Variants in PTPRT observed in about 807,000 individuals in gnomAD.
PTPRT encodes the protein protein tyrosine phosphatase receptor type T.
Under a neutral mutation model 176.8 loss-of-function variants are expected in PTPRT, and 56 were observed. The observed-to-expected ratio is 0.32, with a 90% CI of 0.26 to 0.40. The LOEUF is 0.40. Ranked by LOEUF, PTPRT falls within the 10% of genes least tolerant of loss-of-function variation. The probability of loss-of-function intolerance (pLI) is 1.00; values close to 1 mark genes in which losing one functional copy is unlikely to be tolerated. For synonymous variants in PTPRT, 783 were observed against 739.0 expected (o/e 1.06, Z -0.96); for missense variants, 1,540 against 1,908.2 (o/e 0.81, Z 3.60).
intron 11 of PTPRT, among the ~76,000 whole-genome samples, chr20:42,344,983 C>T (rs1322148882): frequency 6.6e-6 from 1 of 152,062 alleles, no homozygotes; most frequent in Non-Finnish European, 1.5e-5. Flanking sequence ...AGCAACACTG[C>T]CTCCAGGAAG....
At chr20:42,175,279 A>C (rs1313839856) in intron 16 of PTPRT, among the ~76,000 whole-genome samples, 1 of 152,122 alleles carries the variant, frequency 6.6e-6, no homozygotes, top group Non-Finnish European at 1.5e-5. Context: ...CATTTGCCTC[A>C]TCTTGTGTCT....
At chr20:42,411,543 A>T (rs536291754) in intron 9 of PTPRT, among the ~76,000 whole-genome samples, 186 of 151,466 alleles carry the variant, frequency 1.2e-3, no homozygotes, top group African/African-American at 4.3e-3. Context: ...AAAAAAAAGA[A>T]AAAAGAAAAG....
At chr20:42,056,587 T>C in the PTPRT span, among the ~76,000 whole-genome samples, 1 of 152,238 alleles carries the variant, frequency 6.6e-6, no homozygotes, top group South Asian at 2.1e-4. Context: ...GCTGCAAGAA[T>C]GCTGTGCATC....
chr20:42,226,629 G>A (rs1173466285), intron 15 of PTPRT, among the ~76,000 whole-genome samples: 2 of 152,178 alleles, frequency 1.3e-5, no homozygotes, highest in Non-Finnish European at 2.9e-5. Context: ...TCCCATCTTT[G>A]CTACAGCTCT....
At chr20:42,452,671 A>G (rs1389460252) in intron 8 of PTPRT, among the ~76,000 whole-genome samples, 4 of 152,204 alleles carry the variant, frequency 2.6e-5, no homozygotes, top group Non-Finnish European at 5.9e-5. Context: ...TGTCTGTCTG[A>G]TGAAGACTGT....
chr20:43,111,544 A>AG (rs1486187122), intron 1 of PTPRT, among the ~76,000 whole-genome samples: 1 of 98,496 alleles, frequency 1.0e-5, no homozygotes, highest in Non-Finnish European at 2.0e-5. Context: ...ACTCCGTCTC[A>AG]GGAAAAAAAA....
At chr20:42,061,630 G>A in the PTPRT span, among the ~76,000 whole-genome samples, 8 of 152,168 alleles carry the variant, frequency 5.3e-5, no homozygotes, top group Non-Finnish European at 7.4e-5. Flanking sequence ...ATAAAAAGTC[G>A]TTTGACTGGG....
chr20:42,707,909 T>C (rs1013525068), intron 6 of PTPRT, among the ~76,000 whole-genome samples: 2 of 152,228 alleles, frequency 1.3e-5, no homozygotes, highest in African/African-American at 2.4e-5. Flanking sequence ...AACCATGCTA[T>C]GCCCAGGTTT....
intron 7 of PTPRT, among the ~76,000 whole-genome samples, chr20:42,526,640 T>C (rs2072272018): frequency 6.6e-6 from 1 of 152,202 alleles, no homozygotes; most frequent in Admixed American, 6.5e-5. Context: ...AACTTGTCTT[T>C]TTCCTATGCT....
intron 1 of PTPRT, among the ~76,000 whole-genome samples, chr20:43,103,269 G>A (rs899979018): frequency 5.9e-5 from 9 of 152,096 alleles, no homozygotes; most frequent in Non-Finnish European, 1.0e-4. Context: ...AACACCTCCA[G>A]GTCCCACCTT....
chr20:42,612,489 T>C (rs2073991992), intron 7 of PTPRT, among the ~76,000 whole-genome samples: 13 of 152,176 alleles, frequency 8.5e-5, no homozygotes, highest in Admixed American at 8.5e-4. Flanking sequence ...TTTAAGCCCA[T>C]TTTCCATGCA....
chr20:42,718,302 C>A (rs2076255390), intron 6 of PTPRT, among the ~76,000 whole-genome samples: 1 of 152,174 alleles, frequency 6.6e-6, no homozygotes, highest in African/African-American at 2.4e-5. Context: ...CTTTGGGAGG[C>A]CGAGGCGGGT....
At chr20:42,918,011 C>T (rs1344497397) in intron 1 of PTPRT, among the ~76,000 whole-genome samples, 1 of 152,142 alleles carries the variant, frequency 6.6e-6, no homozygotes. Flanking sequence ...TCTCTCTGAT[C>T]CTGCAACACT....
At chr20:42,118,567 C>A in intron 20 of PTPRT, 67 bp from the exon 21 acceptor site, 1 of 1,433,976 alleles carries the variant, frequency 7.0e-7, no homozygotes, top group South Asian at 1.3e-5. Context: ...AAGGTTTGTC[C>A]CCCCGGTTGG....
intron 7 of PTPRT, among the ~76,000 whole-genome samples, chr20:42,672,286 T>A (rs1447637540): frequency 6.6e-6 from 1 of 152,170 alleles, no homozygotes; most frequent in Non-Finnish European, 1.5e-5. Context: ...CTAGACTGGC[T>A]TAGTCTACTG....
intron 13 of PTPRT, among the ~76,000 whole-genome samples, chr20:42,261,584 G>C (rs1042347622): frequency 2.6e-5 from 4 of 152,060 alleles, no homozygotes; most frequent in Non-Finnish European, 5.9e-5. Flanking sequence ...CTCTAAAAGG[G>C]TTCACAGCCA....
intron 7 of PTPRT, among the ~76,000 whole-genome samples, chr20:42,613,574 T>G (rs969962743): frequency 6.6e-6 from 1 of 152,212 alleles, no homozygotes; most frequent in Non-Finnish European, 1.5e-5. Flanking sequence ...TTGGCTATGA[T>G]CTAAGTTGCA....
chr20:42,573,287 C>T (rs1372257787), intron 7 of PTPRT, among the ~76,000 whole-genome samples: 3 of 152,172 alleles, frequency 2.0e-5, no homozygotes, highest in African/African-American at 7.2e-5. Context: ...GGCAAGCACC[C>T]TGGCCACTAG....
chr20:42,164,932 T>C (rs1341451508), intron 16 of PTPRT, among the ~76,000 whole-genome samples: 1 of 152,210 alleles, frequency 6.6e-6, no homozygotes, highest in Non-Finnish European at 1.5e-5. Context: ...GGGTTTGGTA[T>C]GTTTATTTAT....
Sources: gnomAD v4.1 joint callset for allele counts (sites outside exome capture counted in the v4.1 genomes callset) on GRCh38, gnomAD v4.1.1 for gene constraint, MANE v1.5 for transcripts, NCBI Gene and HGNC (gene_info 2026-07-23, HGNC 2026-07-21) for gene names.